The following ELAC2 variants were observed in gnomAD, a reference collection of about 807,000 sequenced individuals.
ELAC2 encodes the protein elaC ribonuclease Z 2.
Under a neutral mutation model 105.2 loss-of-function variants are expected in ELAC2, and 92 were observed. The ratio of observed to expected loss-of-function variants is 0.87; its 90% confidence interval spans 0.74 to 1.04. The LOEUF (loss-of-function observed/expected upper bound fraction) is 1.04. Among genes scored for constraint, ELAC2 ranks in the 50% least tolerant of loss-of-function variants. The pLI, the probability that ELAC2 is intolerant of heterozygous loss-of-function variation, is 0.00. For synonymous variants in ELAC2, 468 were observed against 409.1 expected, an observed-to-expected ratio of 1.14 and a Z score of -1.74; for missense variants, 1,099 against 1,071.7, an observed-to-expected ratio of 1.03 and a Z score of -0.36.
intron 14 of ELAC2, chr17:13,000,818 G>A (rs2040755931): frequency 5.8e-6 from 1 of 173,068 alleles, no homozygotes; most frequent in South Asian, 1.4e-4. Context: ...CCTTGGACAG[G>A]CGGCTCTTCA....
intron 7 of ELAC2, 64 bp from the exon 8 acceptor site, chr17:13,010,735 G>T: frequency 7.0e-7 from 1 of 1,420,112 alleles, no homozygotes; most frequent in Non-Finnish European, 1.0e-6. Context: ...ATCACAGACT[G>T]ATTATGACCC....
chr17:12,997,173 G>C (rs562502914), intron 16 of ELAC2, among the ~76,000 whole-genome samples: 1 of 152,170 alleles, frequency 6.6e-6, no homozygotes, highest in South Asian at 2.1e-4. Context: ...GCGGGCTGCA[G>C]GTGCTTCATT....
chr17:13,008,628 C>A (rs1341692237), intron 8 of ELAC2, among the ~76,000 whole-genome samples: 1 of 152,180 alleles, frequency 6.6e-6, no homozygotes, highest in East Asian at 1.9e-4. Flanking sequence ...ATCTGGAAGA[C>A]TGATGAGAGC....
chr17:13,013,367 T>C lies in ELAC2; in HGVS notation c.491-92A>G, dbSNP rs572193116. 95 of 1,351,024 alleles carry C rather than the reference T, an allele frequency of 7.0e-5. No homozygotes were observed. The African/African-American group carries it at 1.0e-3, about 15-fold the overall frequency. The allele number at this position is 1,351,024 out of a possible 1,614,324, so 83.7% of individuals were successfully genotyped here. A position where few individuals can be genotyped will look rare whatever the true frequency, so the allele number is the denominator to read the frequency against. On this transcript the variant is annotated intron_variant, in intron 5 of 23. Transcript: ENST00000338034. ...GGATCACCAACCACGAGCAACTGAA[T>C]TGCCTCAGAATTATGGTGGGAATCT... is the stretch of plus-strand genomic sequence containing the variant.
chr17:13,014,565 T>G, intron 4 of ELAC2, 69 bp from the exon 5 acceptor site: 1 of 1,153,612 alleles, frequency 8.7e-7, no homozygotes, highest in East Asian at 2.3e-5. Context: ...ATTCAAGTAT[T>G]TAAAAGGTTA....
chr17:13,009,158 A>G (rs1484460379), intron 8 of ELAC2, among the ~76,000 whole-genome samples: 1 of 152,254 alleles, frequency 6.6e-6, no homozygotes, highest in Non-Finnish European at 1.5e-5. Flanking sequence ...TGTTAACAGT[A>G]GTACTTAACT....
In ELAC2 at chr17:12,995,860, A is replaced by G. The variant is rs371729965; in HGVS notation, c.1699-48T>C. 20 of 1,586,324 alleles carry G rather than the reference A, an allele frequency of 1.3e-5. No individual in the cohort carries two copies. The African/African-American group carries it at 2.6e-4, about 20-fold the overall frequency. ...CGACTCGACGACAGAACATCTCAAT[A>G]AAAACTGGAGTGCCAAGAGGCATGG... On this transcript the variant is annotated intron_variant, in intron 18 of 23. Transcript: ENST00000338034.
intron 5 of ELAC2, among the ~76,000 whole-genome samples, chr17:13,014,063 G>A (rs1367043279): frequency 6.6e-6 from 1 of 152,094 alleles, no homozygotes; most frequent in African/African-American, 2.4e-5. Context: ...GGAGGCTGAG[G>A]CGGGCAGATC....
In ELAC2 at chr17:12,994,708, C is replaced by T. The variant is rs2040378060; in HGVS notation, c.2029+56G>A. 11 of 1,612,798 alleles carry T rather than the reference C, an allele frequency of 6.8e-6. No homozygotes were observed. In the South Asian group the frequency reaches 8.8e-5, roughly 13 times the overall value. ...CCTGCAAGCCCACCTGCATTCACCTCCAGCTACACAAACCCCAGAGCAACC... is the reference window on the plus strand; with the variant it reads ...CCTGCAAGCCCACCTGCATTCACCTTCAGCTACACAAACCCCAGAGCAACC... On this transcript the variant is annotated intron_variant, in intron 21 of 23. Coordinates refer to ENST00000338034, the MANE Select transcript of ELAC2 (RefSeq NM_018127.7).
chr17:13,009,077 A>C (rs975386478), intron 8 of ELAC2, among the ~76,000 whole-genome samples: 11 of 152,254 alleles, frequency 7.2e-5, no homozygotes, highest in Admixed American at 2.6e-4. Flanking sequence ...GATTATCAAA[A>C]ATAAAATATT....
intron 19 of ELAC2, among the ~76,000 whole-genome samples, 162 bp from the exon 20 acceptor site, chr17:12,995,224 C>T (rs192350651): frequency 6.6e-6 from 1 of 152,316 alleles, no homozygotes; most frequent in Non-Finnish European, 1.5e-5. Flanking sequence ...ATATAAAGAG[C>T]CAAACCAAAG....
intron 8 of ELAC2, 67 bp downstream of exon 8, chr17:13,010,546 A>T: frequency 6.9e-7 from 1 of 1,459,040 alleles, no homozygotes; most frequent in South Asian, 1.1e-5. Context: ...ATTAATGAAA[A>T]AGTGCAAACC....
Position 13,016,853 on chromosome 17 carries a change from T to C in ELAC2, c.367+9A>G. The C allele has an allele frequency of 6.2e-7, 1 of 1,611,932 alleles. No homozygotes were observed. The highest frequency in any genetic ancestry group is 8.5e-7 in the Non-Finnish European group (1 of 1,179,272). ...CACCAGCCTCTGACACTGCAAAGAA[T>C]ATACTCACCACTTAAGCCCCCAACA... On this transcript the variant is annotated intron_variant, in intron 3 of 23. Coordinates refer to ENST00000338034, the MANE Select transcript of ELAC2 (RefSeq NM_018127.7).
At chr17:13,005,130 G>C (rs767591782) in intron 10 of ELAC2, 29 bp from the exon 11 acceptor site, 22 of 1,521,622 alleles carry the variant, frequency 1.4e-5, no homozygotes, top group Non-Finnish European at 1.9e-5. Context: ...CCGCCCACTG[G>C]GGGTCACAGC....
At chr17:13,001,527 A>G (rs2143599817) in intron 14 of ELAC2, among the ~76,000 whole-genome samples, 1 of 140,796 alleles carries the variant, frequency 7.1e-6, no homozygotes, top group South Asian at 2.2e-4. Flanking sequence ...TAAATAAATT[A>G]ATTAATTAAA....
At position 12,992,402 on chromosome 17, in the gene ELAC2, A is replaced by ATCT. The variant is rs2040228128; in HGVS notation, c.*413_*415dup. 5.5e-6 allele frequency: 2 copies of ATCT among 361,492 alleles called. No homozygotes were observed. Among genetic ancestry groups the ATCT allele is most frequent in the South Asian group, 3.6e-5 (1 of 27,962 alleles). The allele number at this position is 361,492 out of a possible 1,614,324, so 22.4% of individuals were successfully genotyped here. ...AAAAGAACTCACAATTGCAAACTCA[A>ATCT]TCTTTATTGCAGCTGAAATACTATT... On this transcript the variant is annotated 3_prime_UTR_variant, in exon 24 of 24. Transcript: ENST00000338034.
At position 13,000,303 on chromosome 17, in the gene ELAC2, T is replaced by C. The variant is rs192492803; in HGVS notation, c.1305-29A>G. ...CAGGAAGAGAGAGAAGCATCTCAGG[T>C]GACGGACAGGGTATATGGCCTCAGC... On this transcript the variant is annotated intron_variant, in intron 14 of 23. Transcript: ENST00000338034. The C allele has an allele frequency of 5.0e-5, 81 of 1,604,270 alleles. 1 individual carries two copies. In the East Asian group the frequency reaches 1.8e-3, roughly 36 times the overall value.
rs373940494 is a variant in ELAC2, at chr17:12,994,238, C to T, written c.2108+187G>A. Among the ~76,000 whole-genome samples the T allele has an allele frequency of 1.6e-3, 250 of 152,310 alleles. 1 individual carries two copies. The highest frequency in any genetic ancestry group is 5.8e-3 in the African/African-American group (239 of 41,562). ...AACTGTGCCTCACTCTAGAATCTTG[C>T]TTAGAAAATTCTGCAAAAATAAAGG... On this transcript the variant is annotated intron_variant, in intron 22 of 23. Transcript: ENST00000338034.
Position 13,000,181 on chromosome 17 carries a change from ACTC to A in ELAC2, c.1395_1397del (p.Arg465del), listed in dbSNP as rs758221167. Reference sequence around the variant, plus strand: ...CTGCTGGGGCTGGGCCGTCCTGCGCACTCCTCCTGTACTCCTGCACGCTCTGCT... The same window carrying A: ...CTGCTGGGGCTGGGCCGTCCTGCGCACTCCTGTACTCCTGCACGCTCTGCT... On this transcript the variant is annotated inframe_deletion, in exon 15 of 24. Transcript: ENST00000338034. The A allele has an allele frequency of 5.6e-6, 9 of 1,613,180 alleles. No individual in the cohort carries two copies. The highest frequency in any genetic ancestry group is 1.7e-4 in the Middle Eastern group (1 of 5,870).
Sources: gnomAD v4.1 joint callset for allele counts (sites outside exome capture counted in the v4.1 genomes callset) on GRCh38, gnomAD v4.1.1 for gene constraint, MANE v1.5 for transcripts, NCBI Gene and HGNC (gene_info 2026-07-23, HGNC 2026-07-21) for gene names.